NRG1: variants seen among roughly 807,000 people sequenced by gnomAD.
The protein encoded by NRG1 is pro-neuregulin-1, membrane-bound isoform.
A neutral mutation model predicts 63.8 loss-of-function variants in NRG1; 18 were observed. The observed-to-expected ratio is 0.28, with a 90% CI of 0.19 to 0.42. NRG1 has a LOEUF of 0.42. Among genes scored for constraint, NRG1 ranks in the 10% least tolerant of loss-of-function variants. The pLI, the probability that NRG1 is intolerant of heterozygous loss-of-function variation, is 1.00. For synonymous variants in NRG1, 302 were observed against 301.3 expected (o/e 1.00, Z -0.02); for missense variants, 762 against 814.7 (o/e 0.94, Z 0.79).
chr8:32,659,566 C>A (rs1802367862), intron 5 of NRG1, among the ~76,000 whole-genome samples: 1 of 152,078 alleles, frequency 6.6e-6, no homozygotes, highest in Non-Finnish European at 1.5e-5. Context: ...TATTGTGAAA[C>A]CTTATGATTT....
At chr8:32,186,275 AAC>A (rs1462757141) in intron 1 of NRG1, among the ~76,000 whole-genome samples, 1 of 152,080 alleles carries the variant, frequency 6.6e-6, no homozygotes, top group African/African-American at 2.4e-5. Flanking sequence ...CATCCTGGCT[AAC>A]ACAGTGAAAC....
intron 1 of NRG1, among the ~76,000 whole-genome samples, chr8:32,384,100 G>A (rs924574862): frequency 7.9e-5 from 12 of 152,066 alleles, no homozygotes; most frequent in African/African-American, 2.7e-4. Context: ...AGCCAGGAGT[G>A]GTGGTATGTA....
intron 1 of NRG1, among the ~76,000 whole-genome samples, chr8:32,049,969 C>T (rs1821708750): frequency 6.6e-6 from 1 of 152,082 alleles, no homozygotes. Context: ...CTATTACATT[C>T]ATCCTAGAGA....
In NRG1 at chr8:31,694,292, G is replaced by T. The variant is rs117394500; in HGVS notation, c.37+54861G>T. 4.7e-3 allele frequency among the ~76,000 whole-genome samples: 710 copies of T among 152,208 alleles called. 2 individuals carry two copies. Among genetic ancestry groups the T allele is most frequent in the South Asian group, 0.027 (128 of 4,814 alleles). On this transcript the variant is annotated intron_variant, in intron 1 of 10. Transcript: ENST00000519301. ...TCATCTGATGTGGTATTCGACACGG[G>T]TTCACCTTCTGGTTTTGTCACTAAA...
chr8:31,672,400 G>T (rs1207524022), intron 1 of NRG1, among the ~76,000 whole-genome samples: 2 of 152,132 alleles, frequency 1.3e-5, no homozygotes, highest in Non-Finnish European at 2.9e-5. Context: ...AATGCAGATA[G>T]TTTCACCGAA....
At chr8:32,538,059 T>A (rs944540012) in intron 1 of NRG1, among the ~76,000 whole-genome samples, 1 of 151,778 alleles carries the variant, frequency 6.6e-6, no homozygotes, top group Non-Finnish European at 1.5e-5. Flanking sequence ...ATCATGTTGG[T>A]CAGGCTGGGC....
intron 1 of NRG1, among the ~76,000 whole-genome samples, chr8:32,124,673 T>G (rs2131581405): frequency 6.6e-6 from 1 of 152,004 alleles, no homozygotes. Context: ...ACGTGAATTT[T>G]TGCCCCTATT....
At chr8:32,266,376 A>T (rs973502897) in intron 1 of NRG1, among the ~76,000 whole-genome samples, 1 of 152,202 alleles carries the variant, frequency 6.6e-6, no homozygotes, top group Non-Finnish European at 1.5e-5. Context: ...ATTTAACAAG[A>T]TCCAAGAATA....
chr8:32,481,668 C>G (rs1202938870), intron 1 of NRG1, among the ~76,000 whole-genome samples: 1 of 152,220 alleles, frequency 6.6e-6, no homozygotes, highest in Non-Finnish European at 1.5e-5. Flanking sequence ...TTAATTGATT[C>G]ACCTCTAATA....
intron 1 of NRG1, among the ~76,000 whole-genome samples, chr8:32,455,359 A>T (rs1344352863): frequency 3.9e-5 from 6 of 152,172 alleles, no homozygotes; most frequent in African/African-American, 1.4e-4. Flanking sequence ...TAAATAAAGG[A>T]TTTGTACTAT....
At chr8:31,782,305 T>A (rs1819765495) in intron 1 of NRG1, among the ~76,000 whole-genome samples, 1 of 152,058 alleles carries the variant, frequency 6.6e-6, no homozygotes, top group Non-Finnish European at 1.5e-5. Context: ...TTCCTTCAGA[T>A]TTTCGCTCAG....
intron 1 of NRG1, among the ~76,000 whole-genome samples, chr8:32,094,993 C>A (rs917132200): frequency 4.6e-5 from 7 of 151,064 alleles, no homozygotes; most frequent in African/African-American, 1.7e-4. Context: ...CTCACTGCAA[C>A]CTCTGTCTCC....
At chr8:32,640,816 G>C (rs1015960212) in intron 5 of NRG1, among the ~76,000 whole-genome samples, 2 of 151,900 alleles carry the variant, frequency 1.3e-5, no homozygotes, top group African/African-American at 2.4e-5. Context: ...ATACATATCG[G>C]CAGGCGTGGT....
chr8:32,303,726 T>C (rs574874408), intron 1 of NRG1, among the ~76,000 whole-genome samples: 1 of 152,340 alleles, frequency 6.6e-6, no homozygotes, highest in Non-Finnish European at 1.5e-5. Flanking sequence ...TTGAATGTAT[T>C]ATTCATACTA....
At chr8:31,888,830 A>G (rs1830925910) in intron 1 of NRG1, among the ~76,000 whole-genome samples, 1 of 152,134 alleles carries the variant, frequency 6.6e-6, no homozygotes, top group East Asian at 1.9e-4. Context: ...CTCTGTTGAT[A>G]GTTATTTTTA....
intron 1 of NRG1, among the ~76,000 whole-genome samples, chr8:31,826,136 T>C (rs1051486498): frequency 1.3e-5 from 2 of 152,206 alleles, no homozygotes; most frequent in African/African-American, 2.4e-5. Context: ...CCTAGTCTTA[T>C]ACCTAGGTGA....
chr8:32,400,136 C>T (rs1812979362), intron 1 of NRG1, among the ~76,000 whole-genome samples: 1 of 152,164 alleles, frequency 6.6e-6, no homozygotes, highest in South Asian at 2.1e-4. Context: ...GCTGGATAGT[C>T]AGAATCCTAC....
intron 1 of NRG1, among the ~76,000 whole-genome samples, chr8:32,338,886 T>A (rs573692987): frequency 2.5e-4 from 38 of 152,282 alleles, no homozygotes; most frequent in African/African-American, 8.4e-4. Context: ...TTGTTACATC[T>A]GGCTTTAAGT....
intron 1 of NRG1, among the ~76,000 whole-genome samples, chr8:32,591,023 T>C (rs907484777): frequency 1.4e-4 from 22 of 152,198 alleles, no homozygotes; most frequent in African/African-American, 5.1e-4. Flanking sequence ...AACCTTTGTA[T>C]GGTCCTTGTC....
Sources: gnomAD v4.1 joint callset for allele counts (sites outside exome capture counted in the v4.1 genomes callset) on GRCh38, gnomAD v4.1.1 for gene constraint, MANE v1.5 for transcripts, NCBI Gene and HGNC (gene_info 2026-07-23, HGNC 2026-07-21) for gene names.